The following PTAR1 variants were observed in gnomAD, a reference collection of about 807,000 sequenced individuals.
PTAR1 encodes the protein protein prenyltransferase alpha subunit repeat containing 1, also known as protein prenyltransferase alpha subunit repeat-containing protein 1.
A neutral mutation model predicts 45.5 loss-of-function variants in PTAR1; 17 were observed. The observed-to-expected ratio is 0.37, with a 90% confidence interval of 0.26 to 0.56. PTAR1 has a LOEUF of 0.56. Among genes scored for constraint, PTAR1 ranks in the 20% least tolerant of loss-of-function variants. The pLI is 0.77. For missense variants in PTAR1, 391 were observed against 476.3 expected, an observed-to-expected ratio of 0.82 and a Z score of 1.67; for synonymous variants, 169 against 171.3, an observed-to-expected ratio of 0.99 and a Z score of 0.11.
Position 69,759,845 on chromosome 9 carries a change from C to T in PTAR1, c.86+8G>A. 6.6e-7 allele frequency: 1 copy of T among 1,516,890 alleles called. No homozygotes were observed. Among genetic ancestry groups the T allele is most frequent in the Non-Finnish European group, 8.8e-7 (1 of 1,131,572 alleles). The allele number at this position is 1,516,890 out of a possible 1,614,324, so 94.0% of individuals were successfully genotyped here. The stretch of plus-strand genomic sequence containing the variant: ...GACCCTCGGAGGCGGCGGAGGCGCG[C>T]GACTCACATGTGTGGGTTCCTCCTG... On this transcript the variant is annotated splice_region_variant and intron_variant, in intron 1 of 7. Coordinates refer to ENST00000340434, the MANE Select transcript of PTAR1 (RefSeq NM_001099666.2).
chr9:69,754,522 G>A (rs1826674177), intron 1 of PTAR1, among the ~76,000 whole-genome samples: 1 of 139,406 alleles, frequency 7.2e-6, no homozygotes, highest in Admixed American at 7.2e-5. Context: ...TAACATGTTT[G>A]GGTATATATC....
chr9:69,722,632 T>C lies in PTAR1; in HGVS notation c.947+694A>G, dbSNP rs138564476. Among the ~76,000 whole-genome samples, 781 of 151,366 alleles carry C rather than the reference T, an allele frequency of 5.2e-3. 3 individuals are homozygous for C. The highest frequency in any genetic ancestry group is 0.017 in the African/African-American group (711 of 40,898). ...GACTGTGCATCAATGTGTTGAGCTT[T>C]TTCTAGGGGGGAAAAAAAAAAAAGG... is the stretch of plus-strand genomic sequence containing the variant. On this transcript the variant is annotated intron_variant, in intron 6 of 7. Transcript: ENST00000340434.
intron 5 of PTAR1, among the ~76,000 whole-genome samples, chr9:69,730,227 AG>A: frequency 6.6e-6 from 1 of 152,204 alleles, no homozygotes; most frequent in South Asian, 2.1e-4. Flanking sequence ...GGGTCAAGGA[AG>A]GATGATGACA....
chr9:69,756,158 G>T (rs952804148), intron 1 of PTAR1, among the ~76,000 whole-genome samples: 1 of 152,150 alleles, frequency 6.6e-6, no homozygotes, highest in East Asian at 1.9e-4. Flanking sequence ...CCTTGCAGAC[G>T]ATCTAAAATT....
At chr9:69,734,101 A>G (rs1825671864) in intron 4 of PTAR1, 49 bp downstream of exon 4, 2 of 1,045,156 alleles carry the variant, frequency 1.9e-6, no homozygotes, top group Non-Finnish European at 3.0e-6. Flanking sequence ...TTCTTTCTCC[A>G]GCCAGTCTGA....
At position 69,715,719 on chromosome 9, in the gene PTAR1, C is replaced by T. The variant is rs904444969; in HGVS notation, c.*2623G>A. On this transcript the variant is annotated 3_prime_UTR_variant, in exon 8 of 8. Transcript: ENST00000340434. Reference sequence around the variant, plus strand: ...TCTACTACATAAGCTCAGTCAAAGACATTATCATGCTACAGCTAGCGGGTT... The same window carrying T: ...TCTACTACATAAGCTCAGTCAAAGATATTATCATGCTACAGCTAGCGGGTT... 1 of 152,086 alleles carries T rather than the reference C, an allele frequency of 6.6e-6. No homozygotes were observed. The highest frequency in any genetic ancestry group is 6.6e-5 in the Admixed American group (1 of 15,256). The allele number at this position is 152,086 out of a possible 1,614,324, so 9.4% of individuals were successfully genotyped here.
chr9:69,735,968 AT>A (rs1056195110), intron 3 of PTAR1, among the ~76,000 whole-genome samples: 2 of 149,710 alleles, frequency 1.3e-5, no homozygotes, highest in African/African-American at 4.9e-5. Flanking sequence ...TAAAATATAT[AT>A]TTTTTTCTTG....
In PTAR1 at chr9:69,718,205, T is replaced by C; in HGVS notation, c.*137A>G. 1 of 550,640 alleles carries C rather than the reference T, an allele frequency of 1.8e-6. No individual in the cohort carries two copies. Among genetic ancestry groups the C allele is most frequent in the Non-Finnish European group, 3.1e-6 (1 of 320,942 alleles). 34.1% of individuals were successfully genotyped at this position (550,640 alleles called of 1,614,324 possible). Reference sequence around the variant, plus strand: ...TAACAAAATAAATAAAATGAAAGATTTACTATGGACTTTCAACCTAAAGAC... The same window carrying C: ...TAACAAAATAAATAAAATGAAAGATCTACTATGGACTTTCAACCTAAAGAC... On this transcript the variant is annotated 3_prime_UTR_variant, in exon 8 of 8. Transcript: ENST00000340434.
rs773108617 is a variant in PTAR1, at chr9:69,734,152, G to C, written c.426C>G (p.His142Gln). 5.3e-6 allele frequency: 8 copies of C among 1,510,702 alleles called. No homozygotes were observed. The highest frequency in any genetic ancestry group is 7.3e-6 in the Non-Finnish European group (8 of 1,094,466). 93.6% of individuals were successfully genotyped at this position (1,510,702 alleles called of 1,614,324 possible). The stretch of plus-strand genomic sequence containing the variant: ...ACTATGTTGTAAATTAACCACACCT[G>C]TGAATCCATGTTTCTGGACTCTTTG... ...KFPKSPETWI[H>Q]RRWVLQQLIQ... The change falls in exon 4 of 8, where the codon CAC (histidine) becomes CAG (glutamine). Residue 142 changes from histidine to glutamine, a missense_variant and splice_region_variant. Around this residue, in one of 5 missense-constraint regions of PTAR1, gnomAD observed 9 missense variants for 27.7 expected, o/e 0.33. Coordinates refer to ENST00000340434, the MANE Select transcript of PTAR1 (RefSeq NM_001099666.2).
At position 69,741,793 on chromosome 9, in the gene PTAR1, T is replaced by G; in HGVS notation, c.322A>C (p.Arg108=). The change falls in exon 3 of 8, where the codon AGG becomes CGG. Residue 108 remains arginine (R), a splice_region_variant and synonymous_variant. Transcript: ENST00000340434. The stretch of plus-strand genomic sequence containing the variant: ...ATATCACTAATGAAAATGACATACC[T>G]CACGTTCCATGCAGTGGTAAAGTCT... The part of the protein sequence containing the change: ...NPDFTTAWNV[R]KELILSGTLN... 1 of 1,586,600 alleles carries G rather than the reference T, an allele frequency of 6.3e-7. No homozygotes were observed. Among genetic ancestry groups the G allele is most frequent in the African/African-American group, 1.3e-5 (1 of 74,514 alleles).
intron 1 of PTAR1, chr9:69,756,989 T>C (rs1043197957): frequency 5.9e-5 from 9 of 152,214 alleles, no homozygotes; most frequent in African/African-American, 2.2e-4. Context: ...CTATGGCTAG[T>C]GGCTACCATA....
rs1824507878 is a variant in PTAR1 at position 69,711,108 on chromosome 9, T to C, written c.*7234A>G. 6.6e-6 allele frequency: 1 copy of C among 152,122 alleles called. No individual in the cohort carries two copies. Among genetic ancestry groups the C allele is most frequent in the Non-Finnish European group, 1.5e-5 (1 of 68,012 alleles). The allele number at this position is 152,122 out of a possible 1,614,324, so 9.4% of individuals were successfully genotyped here. ...TCCTTTTTTAATCTTTTGTAGTGTA[T>C]AAATATTTGGCATACTTATAATACC... On this transcript the variant is annotated 3_prime_UTR_variant, in exon 8 of 8. Coordinates refer to ENST00000340434, the MANE Select transcript of PTAR1 (RefSeq NM_001099666.2).
chr9:69,737,939 T>C (rs1019300808), intron 3 of PTAR1, among the ~76,000 whole-genome samples: 18 of 152,220 alleles, frequency 1.2e-4, no homozygotes, highest in African/African-American at 3.4e-4. Flanking sequence ...TATATTACCA[T>C]GGTACCTTTG....
At chr9:69,756,486 C>T (rs1030082607) in intron 1 of PTAR1, among the ~76,000 whole-genome samples, 1 of 152,112 alleles carries the variant, frequency 6.6e-6, no homozygotes, top group Non-Finnish European at 1.5e-5. Flanking sequence ...CAGCATTGTG[C>T]CTGTCAAATG....
At chr9:69,737,087 A>ATG (rs1250206185) in intron 3 of PTAR1, among the ~76,000 whole-genome samples, 1 of 151,796 alleles carries the variant, frequency 6.6e-6, no homozygotes, top group African/African-American at 2.4e-5. Flanking sequence ...CTAGTGCTAT[A>ATG]TATTTTTTTT....
rs762899001 is a variant in PTAR1, at chr9:69,718,563, A to G, written c.988T>C (p.Ser330Pro). 2 of 1,613,580 alleles carry G rather than the reference A, an allele frequency of 1.2e-6. No homozygotes were observed. Among genetic ancestry groups the G allele is most frequent in the Admixed American group, 1.7e-5 (1 of 59,982 alleles). The change falls in exon 8 of 8, where the codon TCC becomes CCC. Residue 330 changes from serine to proline, a missense_variant. Coordinates refer to ENST00000340434, the MANE Select transcript of PTAR1 (RefSeq NM_001099666.2). ...FYLQHHLNAG[S>P]QLSQAMEVDG... The stretch of plus-strand genomic sequence containing the variant: ...ACTTCCATTGCTTGAGACAGCTGGG[A>G]GCCTGCTGGGATAAGGTGCAAGTCA...
chr9:69,729,825 C>G (rs1564132219), intron 5 of PTAR1, among the ~76,000 whole-genome samples: 1 of 152,212 alleles, frequency 6.6e-6, no homozygotes, highest in East Asian at 1.9e-4. Context: ...TTCCTGGAAG[C>G]AGAACTCTTA....
intron 2 of PTAR1, among the ~76,000 whole-genome samples, chr9:69,746,472 A>C (rs769724610): frequency 3.3e-5 from 5 of 152,198 alleles, no homozygotes; most frequent in Non-Finnish European, 7.3e-5. Flanking sequence ...CAAAGACCTG[A>C]AAAAGAACAT....
chr9:69,718,089 A>G lies in PTAR1; in HGVS notation c.*253T>C. The G allele has an allele frequency of 2.7e-6, 1 of 367,152 alleles. No individual in the cohort carries two copies. The highest frequency in any genetic ancestry group is 4.9e-6 in the Non-Finnish European group (1 of 203,122). 22.7% of individuals were successfully genotyped at this position (367,152 alleles called of 1,614,324 possible). On this transcript the variant is annotated 3_prime_UTR_variant, in exon 8 of 8. Transcript: ENST00000340434. ...GAGAAGCCCCACATATAGAAATACA[A>G]AGGGTGAGAAGTTAAACAGAAAATT...
Sources: gnomAD v4.1 joint callset for allele counts (sites outside exome capture counted in the v4.1 genomes callset) on GRCh38, gnomAD v4.1.1 for gene constraint, gnomAD v4.1.1 regional missense constraint, MANE v1.5 for transcripts, NCBI Gene and HGNC (gene_info 2026-07-23, HGNC 2026-07-21) for gene names.